The following CSGALNACT1 variants were observed in gnomAD, a reference collection of about 807,000 sequenced individuals.
CSGALNACT1 encodes chondroitin sulfate N-acetylgalactosaminyltransferase 1, also known as beta4GalNAcT-1.
Under a neutral mutation model 51.0 loss-of-function variants are expected in CSGALNACT1, and 52 were observed. That is an observed-to-expected ratio of 1.02 (90% CI 0.82 to 1.29). CSGALNACT1 has a LOEUF of 1.29. CSGALNACT1 is among the 50% of genes most tolerant of loss of function. The pLI is 0.00. For synonymous variants in CSGALNACT1, 341 were observed against 254.4 expected (o/e 1.34, Z -3.24); for missense variants, 935 against 679.2 (o/e 1.38, Z -4.19).
intron 1 of CSGALNACT1, among the ~76,000 whole-genome samples, chr8:19,616,429 C>T (rs1339791543): frequency 6.6e-6 from 1 of 152,146 alleles, no homozygotes; most frequent in East Asian, 1.9e-4. Flanking sequence ...AATCCTGACC[C>T]TCCTGTCACC....
chr8:19,641,671 T>C (rs2056762786), intron 1 of CSGALNACT1: 1 of 152,144 alleles, frequency 6.6e-6, no homozygotes, highest in South Asian at 2.1e-4. Flanking sequence ...CTGTAGGCAT[T>C]CACTCATATC....
chr8:19,754,126 C>T (rs1433148476), intron 1 of CSGALNACT1, among the ~76,000 whole-genome samples: 1 of 152,016 alleles, frequency 6.6e-6, no homozygotes, highest in Non-Finnish European at 1.5e-5. Flanking sequence ...CTCCCTGGTT[C>T]AGGCGATTCT....
At chr8:19,489,760 C>T (rs1380766713) in intron 4 of CSGALNACT1, among the ~76,000 whole-genome samples, 1 of 152,084 alleles carries the variant, frequency 6.6e-6, no homozygotes, top group Non-Finnish European at 1.5e-5. Flanking sequence ...TTTCCTTAGC[C>T]CTGTTAAACA....
upstream of CSGALNACT1, among the ~76,000 whole-genome samples, chr8:19,686,982 C>T (rs150125526): frequency 6.6e-6 from 1 of 152,320 alleles, no homozygotes; most frequent in East Asian, 1.9e-4. Context: ...CCAAATCATA[C>T]ACAATATAGA....
At chr8:19,661,123 C>A (rs956784027) in intron 1 of CSGALNACT1, among the ~76,000 whole-genome samples, 5 of 151,760 alleles carry the variant, frequency 3.3e-5, no homozygotes, top group African/African-American at 9.7e-5. Context: ...ACCATGTTGG[C>A]CAGGATGGTC....
intron 1 of CSGALNACT1, among the ~76,000 whole-genome samples, chr8:19,708,464 C>T (rs2062311080): frequency 6.6e-6 from 1 of 152,204 alleles, no homozygotes; most frequent in Admixed American, 6.5e-5. Context: ...CAGCGGCACA[C>T]TGTGGAGGGG....
chr8:19,570,272 T>C (rs1166054606), intron 3 of CSGALNACT1, among the ~76,000 whole-genome samples: 1 of 152,240 alleles, frequency 6.6e-6, no homozygotes, highest in East Asian at 1.9e-4. Context: ...GGCTTAATAT[T>C]CGTTTTAATC....
chr8:19,505,336 G>A, exon 4 of CSGALNACT1: 1 of 1,614,176 alleles, frequency 6.2e-7, no homozygotes, highest in Non-Finnish European at 8.5e-7. Context: ...TTCTCCTCGG[G>A]GTGGCGGGTA....
At chr8:19,756,408 G>A (rs1204887292) in intron 1 of CSGALNACT1, among the ~76,000 whole-genome samples, 1 of 152,036 alleles carries the variant, frequency 6.6e-6, no homozygotes, top group African/African-American at 2.4e-5. Context: ...TCACTGTTTT[G>A]GCAGGCACAG....
At chr8:19,676,084 T>TAAAAAAAAAAAAAAA (rs148674039) in intron 1 of CSGALNACT1, among the ~76,000 whole-genome samples, 10 of 106,226 alleles carry the variant, frequency 9.4e-5, no homozygotes, top group African/African-American at 3.7e-4. Context: ...TTGTCTGATT[T>TAAAAAAAAAAAAAAA]AAAAAACAAA....
rs528202796 is a variant in CSGALNACT1, at chr8:19,537,029, G to A, written c.-296-30899C>T. ...CAAACTGATCTCCTCTTGGCCAATGGGATCCCAGAGAAACCTTAAAAATCT... is the reference window on the plus strand; with the variant it reads ...CAAACTGATCTCCTCTTGGCCAATGAGATCCCAGAGAAACCTTAAAAATCT... On this transcript the variant is annotated intron_variant, in intron 3 of 9. Transcript: ENST00000454498. Among the ~76,000 whole-genome samples, 25 of 152,144 alleles carry A rather than the reference G, an allele frequency of 1.6e-4. 1 individual carries two copies. In the South Asian group the frequency reaches 4.6e-3, roughly 28 times the overall value.
intron 6 of CSGALNACT1, among the ~76,000 whole-genome samples, chr8:19,437,371 G>A (rs1035715844): frequency 6.6e-6 from 1 of 152,168 alleles, no homozygotes; most frequent in Non-Finnish European, 1.5e-5. Flanking sequence ...AGGATTAGAA[G>A]CAACAGCCCA....
At chr8:19,745,329 G>C (rs575587405) in intron 1 of CSGALNACT1, among the ~76,000 whole-genome samples, 55 of 152,024 alleles carry the variant, frequency 3.6e-4, no homozygotes, top group African/African-American at 1.2e-3. Context: ...TCTCTCTTTG[G>C]GTACATACAA....
At chr8:19,487,785 G>C (rs375886140) in intron 4 of CSGALNACT1, among the ~76,000 whole-genome samples, 8 of 152,194 alleles carry the variant, frequency 5.3e-5, no homozygotes, top group African/African-American at 1.9e-4. Flanking sequence ...AATTAGAAAA[G>C]GGCTGTAGGT....
intron 4 of CSGALNACT1, among the ~76,000 whole-genome samples, chr8:19,489,067 G>A (rs2073782392): frequency 6.6e-6 from 1 of 152,194 alleles, no homozygotes; most frequent in Non-Finnish European, 1.5e-5. Flanking sequence ...GGAGATGAGA[G>A]ATGGGGAGAC....
intron 1 of CSGALNACT1, among the ~76,000 whole-genome samples, chr8:19,736,524 A>C (rs536724585): frequency 6.6e-6 from 1 of 152,106 alleles, no homozygotes; most frequent in African/African-American, 2.4e-5. Context: ...ACCAAAAAAA[A>C]AAAAAATAAA....
Position 19,442,316 on chromosome 8 carries a change from A to G in CSGALNACT1, c.852-2385T>C, listed in dbSNP as rs1220004521. Among the ~76,000 whole-genome samples the G allele has an allele frequency of 2.0e-5, 3 of 152,240 alleles. No individual in the cohort carries two copies. In the East Asian group the frequency reaches 5.8e-4, roughly 29 times the overall value. On this transcript the variant is annotated intron_variant, in intron 5 of 9. Coordinates refer to ENST00000454498, the Ensembl canonical transcript of CSGALNACT1. ...TCACAATAGCAAAGACTTGGAACCA[A>G]CCCAAATGTCCAACAATGACAGAGT...
Position 19,408,609 on chromosome 8 carries a change from C to T in CSGALNACT1, c.1309+4G>A. On this transcript the variant is annotated splice_donor_region_variant and intron_variant, in intron 9 of 9. Coordinates refer to ENST00000454498, the Ensembl canonical transcript of CSGALNACT1. ...GTGGCAGTAGAGATGCAGATTTGTCCTACCTATATTGATGAAGTCTGACCG... is the reference window on the plus strand; with the variant it reads ...GTGGCAGTAGAGATGCAGATTTGTCTTACCTATATTGATGAAGTCTGACCG... 1.2e-6 allele frequency: 2 copies of T among 1,610,882 alleles called. No homozygotes were observed. The highest frequency in any genetic ancestry group is 1.7e-4 in the Middle Eastern group (1 of 6,046).
chr8:19,596,132 TG>T (rs1294770031), intron 2 of CSGALNACT1, among the ~76,000 whole-genome samples: 1 of 152,028 alleles, frequency 6.6e-6, no homozygotes, highest in Non-Finnish European at 1.5e-5. Context: ...CCTTCCAGAG[TG>T]TTGAGATTAT....
Sources: allele counts gnomAD v4.1 joint callset (sites outside exome capture counted in the v4.1 genomes callset), GRCh38; gene constraint gnomAD v4.1.1; transcripts MANE v1.5; gene names NCBI Gene and HGNC (gene_info 2026-07-23, HGNC 2026-07-21).